The following SLC9A4 variants were observed in gnomAD, a reference collection of about 807,000 sequenced individuals.
SLC9A4 encodes the protein solute carrier family 9 member A4.
Under a neutral mutation model 67.4 loss-of-function variants are expected in SLC9A4, and 63 were observed. The ratio of observed to expected loss-of-function variants is 0.93; its 90% CI spans 0.76 to 1.15. The LOEUF is 1.15. Ranked by LOEUF, SLC9A4 falls within the 50% of genes most tolerant of loss-of-function variation. SLC9A4 has a pLI of 0.00. For missense variants in SLC9A4, 1,089 were observed against 987.7 expected (o/e 1.10, Z -1.38); for synonymous variants, 393 against 367.2 (o/e 1.07, Z -0.80).
chr2:102,513,488 T>G (rs1685208792), intron 7 of SLC9A4, among the ~76,000 whole-genome samples: 1 of 152,222 alleles, frequency 6.6e-6, no homozygotes, highest in South Asian at 2.1e-4. Context: ...GGCCAGAGGT[T>G]CCTTACAATA....
intron 2 of SLC9A4, among the ~76,000 whole-genome samples, chr2:102,501,199 G>T (rs1268060141): frequency 6.6e-6 from 1 of 151,730 alleles, no homozygotes; most frequent in Non-Finnish European, 1.5e-5. Context: ...TCAGCTTACT[G>T]CAACCTCCAC....
At chr2:102,489,875 T>C (rs4851597) in intron 2 of SLC9A4, among the ~76,000 whole-genome samples, 146,408 of 152,278 alleles carry the variant, frequency 0.96, 70,422 homozygotes, top group East Asian at 1. Context: ...CTTTTGTGGT[T>C]GGAAAGTCAG....
intron 4 of SLC9A4, among the ~76,000 whole-genome samples, chr2:102,507,871 C>T (rs572251801): frequency 2.6e-5 from 4 of 152,170 alleles, no homozygotes; most frequent in South Asian, 4.2e-4. Flanking sequence ...TAAACTGTAG[C>T]GAAGATTCCC....
At chr2:102,485,463 C>A (rs1684568140) in intron 2 of SLC9A4, among the ~76,000 whole-genome samples, 1 of 152,194 alleles carries the variant, frequency 6.6e-6, no homozygotes, top group South Asian at 2.1e-4. Context: ...ATCTCCTGAT[C>A]CCTCATGCTA....
intron 10 of SLC9A4, 127 bp downstream of exon 10, chr2:102,525,282 T>C: frequency 7.0e-7 from 1 of 1,422,334 alleles, no homozygotes; most frequent in Non-Finnish European, 9.5e-7. Context: ...CCCCACCTTG[T>C]TACCTGAGAG....
intron 11 of SLC9A4, among the ~76,000 whole-genome samples, chr2:102,528,485 C>G (rs6739236): frequency 0.64 from 97,177 of 151,386 alleles, 31,339 homozygotes; most frequent in Middle Eastern, 0.73. Flanking sequence ...AGGCTGATCT[C>G]TAACTCCCGG....
At chr2:102,512,894 G>A (rs1685193093) in intron 7 of SLC9A4, among the ~76,000 whole-genome samples, 1 of 152,194 alleles carries the variant, frequency 6.6e-6, no homozygotes, top group Admixed American at 6.5e-5. Flanking sequence ...GCGCAGGCAA[G>A]GAAAAGAAAG....
Position 102,503,594 on chromosome 2 carries a change from A to C in SLC9A4, c.867A>C (p.Ala289=). ...LFGIVFGFIS[A]FITRFTQNIS... ...GCATCGTTTTTGGATTTATTTCTGC[A>C]TTTATCACACGTTTCACTCAGAATA... Residue 289 remains alanine, a synonymous_variant, in exon 3 of 12, where the codon GCA becomes GCC. Coordinates refer to ENST00000295269, the MANE Select transcript of SLC9A4 (RefSeq NM_001011552.4). The C allele has an allele frequency of 6.2e-7, 1 of 1,614,142 alleles. No homozygotes were observed. The highest frequency in any genetic ancestry group is 1.1e-5 in the South Asian group (1 of 91,086).
chr2:102,486,224 C>T (rs186297788), intron 2 of SLC9A4, among the ~76,000 whole-genome samples: 4 of 152,334 alleles, frequency 2.6e-5, no homozygotes, highest in East Asian at 1.9e-4. Context: ...GAATCACTTA[C>T]CCTCTCTGGG....
At chr2:102,524,965 C>A in intron 9 of SLC9A4, 59 bp from the exon 10 acceptor site, 1 of 1,602,144 alleles carries the variant, frequency 6.2e-7, no homozygotes, top group East Asian at 2.2e-5. Flanking sequence ...CCATGGCTTC[C>A]TTGGCTGAAA....
At chr2:102,479,383 G>T in intron 2 of SLC9A4, 81 bp downstream of exon 2, 1 of 1,411,388 alleles carries the variant, frequency 7.1e-7, no homozygotes. Flanking sequence ...TGTGGAGACG[G>T]CTCCAGTGTG....
intron 9 of SLC9A4, among the ~76,000 whole-genome samples, chr2:102,520,562 A>T (rs1255338064): frequency 1.3e-5 from 2 of 152,228 alleles, no homozygotes; most frequent in African/African-American, 4.8e-5. Flanking sequence ...CCATTTAATT[A>T]GTCATCTAAC....
intron 8 of SLC9A4, among the ~76,000 whole-genome samples, chr2:102,518,226 C>T (rs1685317319): frequency 1.3e-5 from 2 of 152,172 alleles, no homozygotes; most frequent in African/African-American, 4.8e-5. Flanking sequence ...GGAAGAGTGC[C>T]AAGTTACAGC....
At chr2:102,526,076 C>T (rs758808960) in intron 10 of SLC9A4, among the ~76,000 whole-genome samples, 183 bp from the exon 11 acceptor site, 10 of 152,080 alleles carry the variant, frequency 6.6e-5, no homozygotes, top group African/African-American at 1.9e-4. Flanking sequence ...TTAGTAGAGA[C>T]GGGGTTTCAC....
In SLC9A4 at chr2:102,505,361, A is replaced by G. The variant is rs779026252; in HGVS notation, c.1088A>G (p.Glu363Gly). 4.3e-6 allele frequency: 7 copies of G among 1,614,258 alleles called. No homozygotes were observed. In the South Asian group the frequency reaches 7.7e-5, roughly 18 times the overall value. ...ATGAAGATGCTGAGCAGCGTCAGCG[A>G]GACCTTGATCTTCATCTTCATGGGT... ...YFMKMLSSVSETLIFIFMGVS... is the reference protein window; with the variant it reads ...YFMKMLSSVSGTLIFIFMGVS... The change falls in exon 4 of 12, where the codon GAG (glutamate) becomes GGG (glycine). Residue 363 changes from glutamate to glycine, a missense_variant. By Grantham distance (98) the Glu-to-Gly change is moderately conservative. Coordinates refer to ENST00000295269, the MANE Select transcript of SLC9A4 (RefSeq NM_001011552.4).
chr2:102,474,089 T>G, intron 1 of SLC9A4, 74 bp downstream of exon 1: 1 of 1,518,724 alleles, frequency 6.6e-7, no homozygotes, highest in Non-Finnish European at 8.9e-7. Context: ...GCCTTATAGA[T>G]AACGGGCTAA....
At chr2:102,492,814 T>C (rs1039502216) in intron 2 of SLC9A4, among the ~76,000 whole-genome samples, 7 of 152,306 alleles carry the variant, frequency 4.6e-5, no homozygotes, top group South Asian at 4.1e-4. Flanking sequence ...TTTTCTTTTT[T>C]AGCTCATAGT....
intron 1 of SLC9A4, among the ~76,000 whole-genome samples, chr2:102,474,646 G>A (rs1684290640): frequency 6.6e-6 from 1 of 152,154 alleles, no homozygotes; most frequent in Non-Finnish European, 1.5e-5. Context: ...GTGAATCCAA[G>A]TTAATAGATT....
chr2:102,514,051 G>A, intron 7 of SLC9A4, 39 bp from the exon 8 acceptor site: 2 of 1,599,936 alleles, frequency 1.3e-6, no homozygotes, highest in Non-Finnish European at 1.7e-6. Context: ...AACACATACA[G>A]ACGTTCAAGA....
Sources: gnomAD v4.1 joint callset for allele counts (sites outside exome capture counted in the v4.1 genomes callset) on GRCh38, gnomAD v4.1.1 for gene constraint, MANE v1.5 for transcripts, NCBI Gene and HGNC (gene_info 2026-07-23, HGNC 2026-07-21) for gene names.